The following MAPT variants were observed in gnomAD, a reference collection of about 807,000 sequenced individuals.
MAPT encodes the protein microtubule-associated protein tau.
In MAPT, 34 loss-of-function variants were observed where a neutral mutation model predicts 67.9. The ratio of observed to expected loss-of-function variants is 0.50; its 90% confidence interval spans 0.38 to 0.67. The LOEUF is 0.67. Among genes scored for constraint, MAPT ranks in the 30% least tolerant of loss-of-function variants. The pLI is 0.00. For missense variants in MAPT, 881 were observed against 1,115.2 expected, an observed-to-expected ratio of 0.79 and a Z score of 2.99; for synonymous variants, 456 against 464.5, an observed-to-expected ratio of 0.98 and a Z score of 0.23.
intron 1 of MAPT, among the ~76,000 whole-genome samples, chr17:45,919,087 A>G (rs1047011257): frequency 2.6e-5 from 4 of 151,898 alleles, no homozygotes; most frequent in Non-Finnish European, 2.9e-5. Context: ...AAAGAAAAGA[A>G]AAAGAATTGC....
At chr17:45,933,495 C>T (rs562438204) in intron 1 of MAPT, among the ~76,000 whole-genome samples, 2 of 152,316 alleles carry the variant, frequency 1.3e-5, no homozygotes, top group African/African-American at 4.8e-5. Flanking sequence ...CCATCTTGAC[C>T]TCCCAAAGTG....
At chr17:46,009,270 A>G (rs908075590) in intron 9 of MAPT, among the ~76,000 whole-genome samples, 3 of 152,216 alleles carry the variant, frequency 2.0e-5, no homozygotes, top group Admixed American at 6.5e-5. Flanking sequence ...CCTGAGAGGA[A>G]AGGTCACCGG....
intron 1 of MAPT, among the ~76,000 whole-genome samples, chr17:45,916,151 C>T (rs993348417): frequency 6.6e-6 from 1 of 152,116 alleles, no homozygotes; most frequent in African/African-American, 2.4e-5. Flanking sequence ...GGGCCCTGCT[C>T]TTTGGGGGCC....
intron 2 of MAPT, among the ~76,000 whole-genome samples, chr17:45,964,619 G>A (rs2145349234): frequency 6.6e-6 from 1 of 152,068 alleles, no homozygotes; most frequent in Admixed American, 6.5e-5. Flanking sequence ...AGGAGGCGGA[G>A]GTTGCCGTGA....
intron 10 of MAPT, among the ~76,000 whole-genome samples, chr17:46,012,659 C>G (rs1431198370): frequency 6.6e-6 from 1 of 152,108 alleles, no homozygotes; most frequent in African/African-American, 2.4e-5. Context: ...GCCTGCTGTC[C>G]CCCTCCCTGC....
intron 2 of MAPT, among the ~76,000 whole-genome samples, chr17:45,967,414 G>T (rs945364672): frequency 1.3e-5 from 2 of 152,220 alleles, no homozygotes; most frequent in Non-Finnish European, 2.9e-5. Flanking sequence ...AGTCAAGGCT[G>T]CTGAAAAATA....
chr17:45,961,133 T>C (rs919336065), intron 1 of MAPT, among the ~76,000 whole-genome samples: 3 of 151,720 alleles, frequency 2.0e-5, no homozygotes, highest in Non-Finnish European at 4.4e-5. Flanking sequence ...ATCGCGACAC[T>C]GCACTCCAGC....
chr17:45,953,489 C>G (rs1312979059), intron 1 of MAPT, among the ~76,000 whole-genome samples: 3 of 152,190 alleles, frequency 2.0e-5, no homozygotes, highest in African/African-American at 7.2e-5. Flanking sequence ...GGAGGCTGAG[C>G]CTCCCTGCTT....
intron 9 of MAPT, among the ~76,000 whole-genome samples, chr17:46,001,685 C>G (rs982471102): frequency 6.6e-6 from 1 of 152,162 alleles, no homozygotes; most frequent in Admixed American, 6.5e-5. Flanking sequence ...AATGCTGGTT[C>G]CTTCCTTATT....
intron 5 of MAPT, 37 bp from the exon 6 acceptor site, chr17:45,987,003 G>A (rs1292557617): frequency 6.3e-6 from 10 of 1,582,082 alleles, no homozygotes; most frequent in African/African-American, 1.3e-5. Context: ...CAGTGAAAAT[G>A]GAGTGTGACA....
At chr17:46,022,453 C>T (rs1174861948) in intron 12 of MAPT, among the ~76,000 whole-genome samples, 1 of 151,790 alleles carries the variant, frequency 6.6e-6, no homozygotes, top group Non-Finnish European at 1.5e-5. Context: ...ATGCATCTAG[C>T]TTAAATGCGA....
intron 1 of MAPT, among the ~76,000 whole-genome samples, chr17:45,955,212 C>A (rs997610008): frequency 6.6e-6 from 1 of 152,172 alleles, no homozygotes; most frequent in Non-Finnish European, 1.5e-5. Context: ...GTGTGACCCC[C>A]ATCCCCTATT....
At chr17:46,002,536 C>A (rs2145912673) in intron 9 of MAPT, among the ~76,000 whole-genome samples, 1 of 152,106 alleles carries the variant, frequency 6.6e-6, no homozygotes, top group Non-Finnish European at 1.5e-5. Context: ...CTGGTTGGCT[C>A]TGAGAAGATG....
chr17:45,932,556 T>C (rs1013683157), intron 1 of MAPT, among the ~76,000 whole-genome samples: 4 of 146,168 alleles, frequency 2.7e-5, no homozygotes, highest in Non-Finnish European at 4.5e-5. Flanking sequence ...ATCTGCACCA[T>C]TGCACTTCAG....
intron 8 of MAPT, 60 bp downstream of exon 8, chr17:45,991,646 C>G (rs2074065548): frequency 6.2e-7 from 1 of 1,613,342 alleles, no homozygotes; most frequent in Non-Finnish European, 8.5e-7. Context: ...GTACAGCCTT[C>G]ATTTTAGGAG....
chr17:45,960,163 T>C (rs779832416), intron 1 of MAPT, among the ~76,000 whole-genome samples: 20 of 152,236 alleles, frequency 1.3e-4, no homozygotes, highest in Non-Finnish European at 2.5e-4. Flanking sequence ...TATACATTCA[T>C]TAGAAGTCAA....
chr17:45,998,607 A>T (rs1028743506), intron 9 of MAPT, among the ~76,000 whole-genome samples: 2 of 152,234 alleles, frequency 1.3e-5, no homozygotes, highest in African/African-American at 4.8e-5. Context: ...CTGCTCAGGC[A>T]TGTGGAGCTT....
At chr17:45,940,242 C>T (rs1026649173) in intron 1 of MAPT, among the ~76,000 whole-genome samples, 26 of 152,138 alleles carry the variant, frequency 1.7e-4, no homozygotes, top group African/African-American at 5.3e-4. Flanking sequence ...GGGTGTCTTC[C>T]GTGAAATGTC....
intron 1 of MAPT, among the ~76,000 whole-genome samples, chr17:45,902,068 G>C (rs1237145692): frequency 6.6e-6 from 1 of 152,036 alleles, no homozygotes. Context: ...CCATCAGCTT[G>C]CACCTTATTT....
Sources: gnomAD v4.1 joint callset for allele counts (sites outside exome capture counted in the v4.1 genomes callset) on GRCh38, gnomAD v4.1.1 for gene constraint, MANE v1.5 for transcripts, NCBI Gene and HGNC (gene_info 2026-07-23, HGNC 2026-07-21) for gene names.